Variants in PACRG observed in about 807,000 individuals in gnomAD.
PACRG encodes the protein parkin coregulated.
In PACRG, 29 loss-of-function variants were observed where a neutral mutation model predicts 29.7. The observed-to-expected ratio is 0.98, with a 90% CI of 0.73 to 1.33. The LOEUF (loss-of-function observed/expected upper bound fraction) is 1.33, where lower values mean the gene tolerates loss of function less well. Among genes scored for constraint, PACRG ranks in the 40% most tolerant of loss-of-function variants. PACRG has a pLI of 0.00. For synonymous variants in PACRG, 116 were observed against 118.7 expected (o/e 0.98, Z 0.15); for missense variants, 279 against 316.2 (o/e 0.88, Z 0.89).
intron 2 of PACRG, chr6:163,016,326 A>T (rs909746188): frequency 2.0e-5 from 3 of 152,154 alleles, no homozygotes; most frequent in African/African-American, 7.2e-5. Flanking sequence ...GATGGACAAG[A>T]TATAATCTGA....
rs572496845 is a variant in PACRG, at chr6:163,040,283, TG to T, written c.292-21866del. On this transcript the variant is annotated intron_variant, in intron 2 of 4. Transcript: ENST00000366888. ...ACAAGAGTTGAGGTTTGGGAGCCTC[TG>T]CCTAGATTTCAGAGGCTGTATGGAA... 3.0e-3 allele frequency among the ~76,000 whole-genome samples: 457 copies of T among 152,352 alleles called. 2 individuals are homozygous for T. Among genetic ancestry groups the T allele is most frequent in the African/African-American group, 0.011 (437 of 41,596 alleles).
intron 4 of PACRG, among the ~76,000 whole-genome samples, chr6:163,132,069 A>G (rs2128329685): frequency 6.6e-6 from 1 of 152,342 alleles, no homozygotes; most frequent in East Asian, 1.9e-4. Context: ...GAATGTAAGT[A>G]ATACATTCAT....
chr6:162,933,072 C>T (rs1350073302), intron 2 of PACRG, among the ~76,000 whole-genome samples: 1 of 151,952 alleles, frequency 6.6e-6, no homozygotes, highest in Non-Finnish European at 1.5e-5. Flanking sequence ...TTTATTTTCA[C>T]TAGTTTCAAG....
chr6:163,040,314 C>T (rs1808573911), intron 2 of PACRG, among the ~76,000 whole-genome samples: 2 of 152,266 alleles, frequency 1.3e-5, no homozygotes, highest in African/African-American at 4.8e-5. Flanking sequence ...ATGGAAACAT[C>T]TGGATATCCA....
At chr6:163,148,846 G>A (rs1562939466) in intron 4 of PACRG, among the ~76,000 whole-genome samples, 1 of 151,568 alleles carries the variant, frequency 6.6e-6, no homozygotes, top group African/African-American at 2.4e-5. Flanking sequence ...AGATTCCAGC[G>A]CCACTGGTAA....
intron 4 of PACRG, among the ~76,000 whole-genome samples, chr6:163,110,995 C>T (rs1760422985): frequency 6.6e-6 from 1 of 152,258 alleles, no homozygotes; most frequent in South Asian, 2.1e-4. Context: ...TTCCCTCTTC[C>T]TGCTGGACAT....
intron 2 of PACRG, among the ~76,000 whole-genome samples, chr6:162,883,840 T>C (rs1226998187): frequency 6.6e-6 from 1 of 152,076 alleles, no homozygotes; most frequent in Non-Finnish European, 1.5e-5. Flanking sequence ...TAACTACTAA[T>C]ACCCTACTGT....
intron 4 of PACRG, among the ~76,000 whole-genome samples, chr6:163,122,177 T>C (rs1393577401): frequency 1.3e-5 from 2 of 152,144 alleles, no homozygotes; most frequent in African/African-American, 4.8e-5. Flanking sequence ...TTCATAATGT[T>C]TAGATAATAT....
intron 4 of PACRG, among the ~76,000 whole-genome samples, chr6:163,168,652 C>G (rs902605593): frequency 6.6e-6 from 1 of 152,176 alleles, no homozygotes; most frequent in Non-Finnish European, 1.5e-5. Flanking sequence ...ATTATTATAT[C>G]TATGTCTGAG....
chr6:162,818,859 C>T (rs559394810), intron 2 of PACRG, among the ~76,000 whole-genome samples: 11 of 152,176 alleles, frequency 7.2e-5, no homozygotes, highest in East Asian at 5.8e-4. Flanking sequence ...TTGAATAGGA[C>T]GTAGATAAAC....
rs1457410685 is a variant in PACRG at position 162,854,160 on chromosome 6, C to CTT, written c.291+39881_291+39882dup. On this transcript the variant is annotated intron_variant, in intron 2 of 4. Transcript: ENST00000366888. ...AGTTCTGGGAGAAGGAGACCATTTT[C>CTT]TTTCTGTTTTTTTTTTTTTTAATTG... Among the ~76,000 whole-genome samples, 4 of 94,884 alleles carry CTT rather than the reference C, an allele frequency of 4.2e-5. No individual in the cohort carries two copies. The South Asian group carries it at 1.4e-3, about 33-fold the overall frequency. The allele number at this position is 94,884 out of a possible 152,430, so 62.2% of individuals were successfully genotyped here.
At position 163,175,644 on chromosome 6, in the gene PACRG, G is replaced by A. The variant is rs73595520; in HGVS notation, c.613+86236G>A. ...GGGGAGGGACGGAATGTCGGGAGCA[G>A]GTGAGCTGCAGGTGGAACCAGGGTT... On this transcript the variant is annotated intron_variant, in intron 4 of 4. Transcript: ENST00000366888. 7.5e-3 allele frequency among the ~76,000 whole-genome samples: 1,142 copies of A among 152,144 alleles called. 11 individuals are homozygous for A. The highest frequency in any genetic ancestry group is 0.024 in the African/African-American group (999 of 41,490).
chr6:163,078,764 C>G (rs1812793021), intron 3 of PACRG, among the ~76,000 whole-genome samples: 1 of 152,164 alleles, frequency 6.6e-6, no homozygotes, highest in South Asian at 2.1e-4. Context: ...CGCAGTGCCT[C>G]CCCTTGCTCT....
At chr6:162,885,148 T>A (rs1562698447) in intron 2 of PACRG, among the ~76,000 whole-genome samples, 1 of 152,148 alleles carries the variant, frequency 6.6e-6, no homozygotes, top group African/African-American at 2.4e-5. Flanking sequence ...TATGTACAAG[T>A]TTGCACAAAA....
intron 2 of PACRG, among the ~76,000 whole-genome samples, chr6:162,924,219 G>A (rs1353586717): frequency 6.6e-6 from 1 of 151,974 alleles, no homozygotes; most frequent in Non-Finnish European, 1.5e-5. Context: ...AAATACTACT[G>A]TTGTTTGTAT....
intron 2 of PACRG, among the ~76,000 whole-genome samples, chr6:163,022,099 C>A (rs538160093): frequency 6.6e-6 from 1 of 152,220 alleles, no homozygotes; most frequent in Non-Finnish European, 1.5e-5. Context: ...CACACACCTG[C>A]TGCTGCCACA....
chr6:162,786,541 A>G (rs1784480461), intron 1 of PACRG, among the ~76,000 whole-genome samples: 2 of 152,332 alleles, frequency 1.3e-5, no homozygotes, highest in South Asian at 2.1e-4. Context: ...AGTTAACTTC[A>G]TGGAGAGAAC....
chr6:162,894,523 G>A (rs776498490), intron 2 of PACRG, among the ~76,000 whole-genome samples: 5 of 152,116 alleles, frequency 3.3e-5, no homozygotes, highest in Non-Finnish European at 5.9e-5. Context: ...AGGCAGTCAG[G>A]TTTTGAAAAA....
At chr6:163,071,074 ACAGAC>A (rs1164191956) in intron 3 of PACRG, among the ~76,000 whole-genome samples, 8 of 152,234 alleles carry the variant, frequency 5.3e-5, no homozygotes, top group Middle Eastern at 6.8e-3. Flanking sequence ...AAAGAGAGAG[ACAGAC>A]CACAATACGA....
Sources: allele counts gnomAD v4.1 joint callset (sites outside exome capture counted in the v4.1 genomes callset), GRCh38; gene constraint gnomAD v4.1.1; transcripts MANE v1.5; gene names NCBI Gene and HGNC (gene_info 2026-07-23, HGNC 2026-07-21).